The following OR5A2 variants were observed in gnomAD, a reference collection of about 807,000 sequenced individuals.
The protein encoded by OR5A2 is olfactory receptor family 5 subfamily A member 2.
For missense variants in OR5A2, 406 were observed against 398.9 expected (o/e 1.02, Z -0.15); for synonymous variants, 155 against 151.1 (o/e 1.03, Z -0.19).
rs1858218050 is a variant in OR5A2 at position 59,421,353 on chromosome 11, G to A, written c.*626C>T. ...CCATAGATTCAAACACCTCCCACCA[G>A]GCCCCACCTCCAGCACTGGAGATTG... On this transcript the variant is annotated 3_prime_UTR_variant, in exon 2 of 2. Transcript: ENST00000302040. 6.6e-6 allele frequency: 1 copy of A among 152,348 alleles called. No individual in the cohort carries two copies. Among genetic ancestry groups the A allele is most frequent in the African/African-American group, 2.4e-5 (1 of 41,442 alleles). 9.4% of individuals were successfully genotyped at this position (152,348 alleles called of 1,614,324 possible). A position where few individuals can be genotyped will look rare whatever the true frequency, so the allele number is the denominator to read the frequency against.
Position 59,419,772 on chromosome 11 carries a change from G to A in OR5A2, c.*2207C>T, listed in dbSNP as rs554215528. ...TCAGGTTAAGGTAAAGGATTGTGGA[G>A]ACCAAGTTTTATTGTGCAGAAGAAG... On this transcript the variant is annotated 3_prime_UTR_variant, in exon 2 of 2. Transcript: ENST00000302040. 3.9e-5 allele frequency: 6 copies of A among 152,250 alleles called. No homozygotes were observed. Among genetic ancestry groups the A allele is most frequent in the African/African-American group, 1.2e-4 (5 of 41,546 alleles). The allele number at this position is 152,250 out of a possible 1,614,324, so 9.4% of individuals were successfully genotyped here.
At chr11:59,425,001 T>C (rs181214028) in intron 1 of OR5A2, 15 of 152,358 alleles carry the variant, frequency 9.8e-5, no homozygotes, top group Admixed American at 7.8e-4. Context: ...GTTTTGCCCA[T>C]TCTGTTTCCT....
chr11:59,423,193 A>C, intron 1 of OR5A2, 149 bp from the exon 2 acceptor site: 1 of 442,856 alleles, frequency 2.3e-6, no homozygotes, highest in Non-Finnish European at 4.0e-6. Flanking sequence ...CCATCTAATA[A>C]TAAAGTAGAA....
Position 59,417,691 on chromosome 11 carries a change from A to G in OR5A2, c.*4288T>C, listed in dbSNP as rs1858172082. The G allele has an allele frequency of 6.6e-6, 1 of 152,088 alleles. No individual in the cohort carries two copies. The highest frequency in any genetic ancestry group is 1.5e-5 in the Non-Finnish European group (1 of 67,992). The allele number at this position is 152,088 out of a possible 1,614,324, so 9.4% of individuals were successfully genotyped here. ...TTATCTAGACACAAGCAAGTGAAAT[A>G]CAAATGATTCCTCATTTCTGTGGAT... is the stretch of plus-strand genomic sequence containing the variant. On this transcript the variant is annotated 3_prime_UTR_variant, in exon 2 of 2. Transcript: ENST00000302040.
At position 59,418,384 on chromosome 11, in the gene OR5A2, A is replaced by G. The variant is rs1338984267; in HGVS notation, c.*3595T>C. Reference sequence around the variant, plus strand: ...CTGGCTTATGCAGATAGCTATTCTGAGCTTGGTTAACTTCAGTCCATCTGG... The same window carrying G: ...CTGGCTTATGCAGATAGCTATTCTGGGCTTGGTTAACTTCAGTCCATCTGG... On this transcript the variant is annotated 3_prime_UTR_variant, in exon 2 of 2. Transcript: ENST00000302040. 3.3e-5 allele frequency: 5 copies of G among 152,106 alleles called. No individual in the cohort carries two copies. The highest frequency in any genetic ancestry group is 2.1e-4 in the South Asian group (1 of 4,826). 9.4% of individuals were successfully genotyped at this position (152,106 alleles called of 1,614,324 possible). A position where few individuals can be genotyped will look rare whatever the true frequency, so the allele number is the denominator to read the frequency against.
Position 59,421,555 on chromosome 11 carries a change from T to A in OR5A2, c.*424A>T, listed in dbSNP as rs1036343806. ...TCTGCCCTGTGGTTTTCATGAGCTC[T>A]AAGGAAACCATTTGAGAATCTCAGA... On this transcript the variant is annotated 3_prime_UTR_variant, in exon 2 of 2. Transcript: ENST00000302040. 6.1e-6 allele frequency: 1 copy of A among 165,230 alleles called. No homozygotes were observed. Among genetic ancestry groups the A allele is most frequent in the Admixed American group, 5.6e-5 (1 of 17,828 alleles). 10.2% of individuals were successfully genotyped at this position (165,230 alleles called of 1,614,324 possible).
chr11:59,423,174 A>C, intron 1 of OR5A2, 130 bp from the exon 2 acceptor site: 1 of 493,766 alleles, frequency 2.0e-6, no homozygotes, highest in Non-Finnish European at 3.6e-6. Context: ...TTGTTGACCA[A>C]AAGAGAATCC....
At position 59,420,692 on chromosome 11, in the gene OR5A2, C is replaced by A. The variant is rs770352563; in HGVS notation, c.*1287G>T. 2.0e-5 allele frequency: 3 copies of A among 152,164 alleles called. No individual in the cohort carries two copies. The highest frequency in any genetic ancestry group is 2.9e-5 in the Non-Finnish European group (2 of 68,022). 9.4% of individuals were successfully genotyped at this position (152,164 alleles called of 1,614,324 possible). On this transcript the variant is annotated 3_prime_UTR_variant, in exon 2 of 2. Coordinates refer to ENST00000302040, the MANE Select transcript of OR5A2 (RefSeq NM_001001954.2). ...ACAGCTGAATGAATTTATTCTAGTTCTTTAATGCCAGTTCAAGGATACATA... is the reference window on the plus strand; with the variant it reads ...ACAGCTGAATGAATTTATTCTAGTTATTTAATGCCAGTTCAAGGATACATA...
intron 1 of OR5A2, chr11:59,424,988 G>A (rs1307061358): frequency 6.6e-6 from 1 of 152,140 alleles, no homozygotes; most frequent in East Asian, 1.9e-4. Flanking sequence ...AGACAGGCAG[G>A]GAGTTTTGCC....
At chr11:59,424,936 T>G (rs1325431669) in intron 1 of OR5A2, 2 of 152,352 alleles carry the variant, frequency 1.3e-5, no homozygotes, top group East Asian at 3.9e-4. Context: ...TGGTATCTCT[T>G]ATCTTGGTGA....
In OR5A2 at chr11:59,422,437, AG is replaced by A. The variant is rs765984539; in HGVS notation, c.516del (p.Tyr173IlefsTer2). The A allele has an allele frequency of 1.9e-6, 3 of 1,614,112 alleles. No individual in the cohort carries two copies. The South Asian group carries it at 3.3e-5, about 18-fold the overall frequency. Reference protein sequence around the residue: ...YSVYQHDFCGPYMINHFFCDL... With the variant: ...YSVYQHDFCGXYMINHFFCDL... ...TCACAGAAAAAGTGGTTGATCATAT[AG>A]GGCCCACAGAAATCATGCTGATAGA... On this transcript the variant is annotated frameshift_variant, in exon 2 of 2. Coordinates refer to ENST00000302040, the MANE Select transcript of OR5A2 (RefSeq NM_001001954.2). LOFTEE classifies it low-confidence loss of function (END_TRUNC).
rs1287610126 is a variant in OR5A2, at chr11:59,417,551, G to T, written c.*4428C>A. On this transcript the variant is annotated 3_prime_UTR_variant, in exon 2 of 2. Transcript: ENST00000302040. ...GGACAAGTCACCAGGAAATCAGGGA[G>T]GTAGTCACGGATCAAGCTGATGGAA... The T allele has an allele frequency of 1.3e-5, 2 of 152,054 alleles. No homozygotes were observed. Among genetic ancestry groups the T allele is most frequent in the Non-Finnish European group, 2.9e-5 (2 of 67,992 alleles). The allele number at this position is 152,054 out of a possible 1,614,324, so 9.4% of individuals were successfully genotyped here.
Position 59,421,795 on chromosome 11 carries a change from T to C in OR5A2, c.*184A>G. 1 of 518,380 alleles carries C rather than the reference T, an allele frequency of 1.9e-6. No homozygotes were observed. The highest frequency in any genetic ancestry group is 2.7e-5 in the South Asian group (1 of 36,906). 32.1% of individuals were successfully genotyped at this position (518,380 alleles called of 1,614,324 possible). The stretch of plus-strand genomic sequence containing the variant: ...GCATTTAAAATCTCAAACTATACAA[T>C]GCTATTCATTTTACAAGCAACAATG... On this transcript the variant is annotated 3_prime_UTR_variant, in exon 2 of 2. Transcript: ENST00000302040.
rs145440872 is a variant in OR5A2, at chr11:59,423,127, G to T, written c.-91-83C>A. ...CCACCTGCTAGGCAAAGACTTTTCA[G>T]AGGAAGTCAGCCTAGGATAATCCAT... On this transcript the variant is annotated intron_variant, in intron 1 of 1. Coordinates refer to ENST00000302040, the MANE Select transcript of OR5A2 (RefSeq NM_001001954.2). The T allele has an allele frequency of 4.9e-4, 317 of 652,558 alleles. 4 individuals carry two copies. The East Asian group carries it at 8.2e-3, about 17-fold the overall frequency. 40.4% of individuals were successfully genotyped at this position (652,558 alleles called of 1,614,324 possible). A position where few individuals can be genotyped will look rare whatever the true frequency, so the allele number is the denominator to read the frequency against.
In OR5A2 at chr11:59,421,858, A is replaced by G. The variant is rs1302877296; in HGVS notation, c.*121T>C. On this transcript the variant is annotated 3_prime_UTR_variant, in exon 2 of 2. Coordinates refer to ENST00000302040, the MANE Select transcript of OR5A2 (RefSeq NM_001001954.2). The stretch of plus-strand genomic sequence containing the variant: ...TCTAATAGCCAACAGGCAAACTATT[A>G]GTGAAATCTTAAGCAGGAGGGAAAA... 2.8e-6 allele frequency: 3 copies of G among 1,072,778 alleles called. No homozygotes were observed. The highest frequency in any genetic ancestry group is 4.6e-5 in the Admixed American group (2 of 43,240). The allele number at this position is 1,072,778 out of a possible 1,614,324, so 66.5% of individuals were successfully genotyped here.
chr11:59,422,818 G>A lies in OR5A2; in HGVS notation c.136C>T (p.Leu46Phe). Reference protein sequence around the residue: ...YLLTLAWNLSLIALIKMDSHL... With the variant: ...YLLTLAWNLSFIALIKMDSHL... ...GAGTCCATCTTAATGAGGGCAATGAGGCTTAAGTTCCAGGCCAACGTCAGG... is the reference window on the plus strand; with the variant it reads ...GAGTCCATCTTAATGAGGGCAATGAAGCTTAAGTTCCAGGCCAACGTCAGG... The change falls in exon 2 of 2, where the codon CTC becomes TTC. Residue 46 changes from leucine to phenylalanine, a missense_variant. By Grantham distance (22) the Leu-to-Phe change is conservative. Transcript: ENST00000302040. The A allele has an allele frequency of 6.2e-7, 1 of 1,614,140 alleles. No individual in the cohort carries two copies. The highest frequency in any genetic ancestry group is 1.6e-4 in the Middle Eastern group (1 of 6,062).
In OR5A2 at chr11:59,422,269, T is replaced by C. The variant is rs368960013; in HGVS notation, c.685A>G (p.Ile229Val). Reference sequence around the variant, plus strand: ...TTTGTCCTACCTGTAGCTGAGCTGATCTTCACAACAGCAGCAACAATGTAA... The same window carrying C: ...TTTGTCCTACCTGTAGCTGAGCTGACCTTCACAACAGCAGCAACAATGTAA... ...YGYIVAAVVK[I>V]SSATGRTKAF... Residue 229 changes from isoleucine to valine, a missense_variant, in exon 2 of 2, where the codon ATC becomes GTC. By Grantham distance (29) the Ile-to-Val change is conservative. Transcript: ENST00000302040. 4.3e-6 allele frequency: 7 copies of C among 1,613,972 alleles called. No individual in the cohort carries two copies. The African/African-American group carries it at 9.3e-5, about 22-fold the overall frequency.
rs2219072 is a variant in OR5A2, at chr11:59,420,205, C to T, written c.*1774G>A. ...CTCAGGTAGCTACAGATGAGGAAAA[C>T]AGAGTTTCTAAATAACTTGGATCAG... On this transcript the variant is annotated 3_prime_UTR_variant, in exon 2 of 2. Transcript: ENST00000302040. 0.98 allele frequency: 149,821 copies of T among 152,198 alleles called. 73,798 individuals carry two copies. The highest frequency in any genetic ancestry group is 1 in the Middle Eastern group (294 of 294). 9.4% of individuals were successfully genotyped at this position (152,198 alleles called of 1,614,324 possible).
At chr11:59,424,024 A>T (rs1269921410) in intron 1 of OR5A2, 1 of 152,250 alleles carries the variant, frequency 6.6e-6, no homozygotes, top group East Asian at 1.9e-4. Context: ...CTTTGATGTC[A>T]TCAGGCCAGA....
Sources: gnomAD v4.1 joint callset for allele counts on GRCh38, gnomAD v4.1.1 for gene constraint, MANE v1.5 for transcripts, NCBI Gene and HGNC (gene_info 2026-07-23, HGNC 2026-07-21) for gene names.